SPECC1: variants seen among roughly 807,000 people sequenced by gnomAD.
SPECC1 encodes the protein sperm antigen with calponin homology and coiled-coil domains 1.
In SPECC1, 62 loss-of-function variants were observed where a neutral mutation model predicts 104.1. The ratio of observed to expected loss-of-function variants is 0.60; its 90% CI spans 0.49 to 0.74. The LOEUF is 0.74. Ranked by LOEUF, SPECC1 falls within the 30% of genes least tolerant of loss-of-function variation. The pLI, the probability that SPECC1 is intolerant of heterozygous loss-of-function variation, is 0.00. For missense variants in SPECC1, 1,306 were observed against 1,310.5 expected, an observed-to-expected ratio of 1.00 and a Z score of 0.05; for synonymous variants, 513 against 501.6, an observed-to-expected ratio of 1.02 and a Z score of -0.30.
chr17:20,291,808 G>A (rs949032957), intron 12 of SPECC1, among the ~76,000 whole-genome samples: 5 of 151,978 alleles, frequency 3.3e-5, no homozygotes, highest in Non-Finnish European at 7.4e-5. Context: ...GCCTCCCAAA[G>A]TTCTGGGGTT....
intron 1 of SPECC1, among the ~76,000 whole-genome samples, chr17:20,065,822 T>C (rs928421697): frequency 6.6e-6 from 1 of 152,174 alleles, no homozygotes; most frequent in African/African-American, 2.4e-5. Context: ...AAGGGTCCTG[T>C]CTTGGGCACG....
Position 20,253,568 on chromosome 17 carries a change from C to T in SPECC1, c.2662C>T (p.Pro888Ser), listed in dbSNP as rs766301505. 1.2e-6 allele frequency: 2 copies of T among 1,613,940 alleles called. No homozygotes were observed. The highest frequency in any genetic ancestry group is 2.7e-5 in the African/African-American group (2 of 74,918). ...AGGGGTGACTCAACGCTTGGACCTTCCTGACCTTCCCCTCTCAGGTAAATT... is the reference window on the plus strand; with the variant it reads ...AGGGGTGACTCAACGCTTGGACCTTTCTGACCTTCCCCTCTCAGGTAAATT... ...SRGVTQRLDLPDLPLSDILKG... is the reference protein window; with the variant it reads ...SRGVTQRLDLSDLPLSDILKG... The change falls in exon 10 of 15, where the codon CCT becomes TCT. Residue 888 changes from proline (P) to serine (S), a missense_variant. By Grantham distance (74) the Pro-to-Ser change is moderately conservative (BLOSUM62 -1). Around this residue, in one of 2 missense-constraint regions of SPECC1, gnomAD observed 1,177 missense variants for 1,139.9 expected, o/e 1.03. Coordinates refer to ENST00000395527, the MANE Select transcript of SPECC1 (RefSeq NM_001243439.2).
intron 3 of SPECC1, among the ~76,000 whole-genome samples, chr17:20,179,602 T>C (rs1306964657): frequency 6.6e-6 from 1 of 152,214 alleles, no homozygotes; most frequent in African/African-American, 2.4e-5. Flanking sequence ...TCAGAAAGAA[T>C]GTCAGAGATC....
intron 12 of SPECC1, among the ~76,000 whole-genome samples, chr17:20,275,957 T>C (rs1456632223): frequency 1.3e-5 from 2 of 152,248 alleles, no homozygotes; most frequent in East Asian, 1.9e-4. Flanking sequence ...TCTTGTTCTA[T>C]CTTCTTGGTG....
chr17:20,039,228 T>G (rs1232160578), intron 1 of SPECC1, among the ~76,000 whole-genome samples: 1 of 152,214 alleles, frequency 6.6e-6, no homozygotes, highest in African/African-American at 2.4e-5. Context: ...TTTATTTTGC[T>G]ATTGTTGGGT....
chr17:20,245,228 C>T (rs1290213856), intron 7 of SPECC1, among the ~76,000 whole-genome samples: 1 of 152,182 alleles, frequency 6.6e-6, no homozygotes, highest in Non-Finnish European at 1.5e-5. Flanking sequence ...CCAAAGTCTC[C>T]ACACACAACT....
chr17:20,230,441 C>T (rs1037699825), intron 5 of SPECC1, among the ~76,000 whole-genome samples: 3 of 152,164 alleles, frequency 2.0e-5, no homozygotes, highest in Non-Finnish European at 2.9e-5. Flanking sequence ...AAAACCTGGA[C>T]GCCATCATCA....
At position 20,047,754 on chromosome 17, in the gene SPECC1, C is replaced by T. The variant is rs12600571; in HGVS notation, c.-22+38330C>T. Among the ~76,000 whole-genome samples, 24 of 152,076 alleles carry T rather than the reference C, an allele frequency of 1.6e-4. No individual in the cohort carries two copies. The East Asian group carries it at 3.3e-3, about 21-fold the overall frequency. On this transcript the variant is annotated intron_variant, in intron 1 of 14. Coordinates refer to ENST00000395527, the MANE Select transcript of SPECC1 (RefSeq NM_001243439.2). ...TTGGGACTACAGGTGCCTGCCACCA[C>T]GCCTGGCTAATTTTTTGTATTTTTA...
intron 3 of SPECC1, among the ~76,000 whole-genome samples, chr17:20,193,830 T>C (rs2035828196): frequency 6.6e-6 from 1 of 152,228 alleles, no homozygotes; most frequent in Non-Finnish European, 1.5e-5. Context: ...CTGATTGTAA[T>C]GTGCCCAGAA....
At chr17:20,010,448 G>A (rs1234382314) in intron 1 of SPECC1, among the ~76,000 whole-genome samples, 1 of 152,190 alleles carries the variant, frequency 6.6e-6, no homozygotes, top group African/African-American at 2.4e-5. Flanking sequence ...CAAACACCGT[G>A]TTATTTCAGT....
chr17:20,072,070 T>C (rs543159354), intron 1 of SPECC1, among the ~76,000 whole-genome samples: 1 of 152,324 alleles, frequency 6.6e-6, no homozygotes, highest in Non-Finnish European at 1.5e-5. Context: ...GTGTATCACC[T>C]CAGGCTCTTT....
chr17:20,126,168 C>T (rs990828588), intron 3 of SPECC1, among the ~76,000 whole-genome samples: 2 of 152,072 alleles, frequency 1.3e-5, no homozygotes, highest in Non-Finnish European at 2.9e-5. Context: ...TTGGGCTCTT[C>T]CCCTGAAGTT....
At chr17:20,194,662 C>T (rs556856893) in intron 3 of SPECC1, among the ~76,000 whole-genome samples, 60 of 151,660 alleles carry the variant, frequency 4.0e-4, no homozygotes, top group East Asian at 3.5e-3. Flanking sequence ...GGCGCCACCA[C>T]GCCTAGCTAC....
At chr17:20,013,689 G>C (rs1249483520) in intron 1 of SPECC1, among the ~76,000 whole-genome samples, 1 of 152,100 alleles carries the variant, frequency 6.6e-6, no homozygotes, top group Non-Finnish European at 1.5e-5. Flanking sequence ...TTTTAGTGGG[G>C]ACAGGTTTTA....
chr17:20,298,948 A>AGAGAGAGTGTGTGTGTGTGTGTGTGTGT, intron 13 of SPECC1, among the ~76,000 whole-genome samples: 23 of 49,056 alleles, frequency 4.7e-4, no homozygotes, highest in South Asian at 2.7e-3. Flanking sequence ...AGAGAGAGAG[A>AGAGAGAGTGTGTGTGTGTGTGTGTGTGT]GTGTGTGTGT....
intron 3 of SPECC1, among the ~76,000 whole-genome samples, chr17:20,123,934 C>A (rs1360478087): frequency 6.6e-6 from 1 of 152,194 alleles, no homozygotes; most frequent in Non-Finnish European, 1.5e-5. Flanking sequence ...CTGTCCAAGT[C>A]CATGGGATAT....
At chr17:20,069,557 A>G (rs965135904) in intron 1 of SPECC1, among the ~76,000 whole-genome samples, 1 of 152,096 alleles carries the variant, frequency 6.6e-6, no homozygotes, top group Non-Finnish European at 1.5e-5. Flanking sequence ...TTATATGTGG[A>G]TATCCAGTTA....
At chr17:20,052,850 A>G (rs2045826142) in intron 1 of SPECC1, among the ~76,000 whole-genome samples, 1 of 152,264 alleles carries the variant, frequency 6.6e-6, no homozygotes, top group Non-Finnish European at 1.5e-5. Context: ...ACAGGTAACA[A>G]CAAAATGGAT....
chr17:20,314,355 CTTGTTTTGCTGATTATA>C lies in SPECC1; in HGVS notation c.*294_*310del. 2.4e-6 allele frequency: 1 copy of C among 410,046 alleles called. No individual in the cohort carries two copies. Among genetic ancestry groups the C allele is most frequent in the East Asian group, 3.5e-5 (1 of 28,298 alleles). The allele number at this position is 410,046 out of a possible 1,614,324, so 25.4% of individuals were successfully genotyped here. A position where few individuals can be genotyped will look rare whatever the true frequency, so the allele number is the denominator to read the frequency against. On this transcript the variant is annotated 3_prime_UTR_variant, in exon 15 of 15. Transcript: ENST00000395527. ...TCCAGACCAAGACCCCACACCCAGG[CTTGTTTTGCTGATTATA>C]TTGGGTGGCTGAACGAACACATTAT...
Sources: gnomAD v4.1 joint callset for allele counts (sites outside exome capture counted in the v4.1 genomes callset) on GRCh38, gnomAD v4.1.1 for gene constraint, gnomAD v4.1.1 regional missense constraint, MANE v1.5 for transcripts, NCBI Gene and HGNC (gene_info 2026-07-23, HGNC 2026-07-21) for gene names.